FARS2: variants seen among roughly 807,000 people sequenced by gnomAD.
FARS2 encodes the protein phenylalanine--tRNA ligase, mitochondrial.
A neutral mutation model predicts 46.4 loss-of-function variants in FARS2; 40 were observed. That is an observed-to-expected ratio of 0.86 (90% CI 0.67 to 1.12). The LOEUF is 1.12. Ranked by LOEUF, FARS2 falls within the 50% of genes most tolerant of loss-of-function variation. The pLI, the probability that FARS2 is intolerant of heterozygous loss-of-function variation, is 0.00. For synonymous variants in FARS2, 234 were observed against 214.9 expected (o/e 1.09, Z -0.78); for missense variants, 513 against 567.9 (o/e 0.90, Z 0.98).
chr6:5,740,512 T>C (rs78636694), intron 6 of FARS2, among the ~76,000 whole-genome samples: 1 of 151,866 alleles, frequency 6.6e-6, no homozygotes. Context: ...TTTTTTTTTT[T>C]CAAAAAAGCA....
chr6:5,393,117 C>T (rs1760675027), intron 2 of FARS2, among the ~76,000 whole-genome samples: 1 of 151,878 alleles, frequency 6.6e-6, no homozygotes, highest in African/African-American at 2.4e-5. Context: ...TAATATTTTT[C>T]ATATGTACCT....
At chr6:5,504,274 G>A (rs1055874958) in intron 4 of FARS2, among the ~76,000 whole-genome samples, 1 of 151,912 alleles carries the variant, frequency 6.6e-6, no homozygotes, top group African/African-American at 2.4e-5. Context: ...TTATAATATT[G>A]CATCATCCAC....
At chr6:5,267,560 C>T (rs182871077) in intron 1 of FARS2, among the ~76,000 whole-genome samples, 11 of 152,020 alleles carry the variant, frequency 7.2e-5, no homozygotes, top group South Asian at 4.2e-4. Flanking sequence ...ACCATCCTGG[C>T]TAACACAGTG....
At chr6:5,735,723 G>A (rs1249751297) in intron 6 of FARS2, among the ~76,000 whole-genome samples, 1 of 152,166 alleles carries the variant, frequency 6.6e-6, no homozygotes, top group Non-Finnish European at 1.5e-5. Flanking sequence ...TAATAACCGT[G>A]GTCAATAGCG....
At chr6:5,658,611 C>T (rs542429353) in intron 6 of FARS2, among the ~76,000 whole-genome samples, 2 of 152,242 alleles carry the variant, frequency 1.3e-5, no homozygotes, top group South Asian at 2.1e-4. Flanking sequence ...TTGTCATAGC[C>T]ATGATGGCAT....
In FARS2 at chr6:5,676,201, G is replaced by T. The variant is rs1357531471; in HGVS notation, c.1217+62881G>T. Among the ~76,000 whole-genome samples the T allele has an allele frequency of 2.6e-5, 4 of 152,296 alleles. No homozygotes were observed. The East Asian group carries it at 7.7e-4, about 29-fold the overall frequency. On this transcript the variant is annotated intron_variant, in intron 6 of 6. Coordinates refer to ENST00000274680, the MANE Select transcript of FARS2 (RefSeq NM_006567.5). ...AGGACACTCAAAGATGTCAGCTCCA[G>T]TCCTAAAGGAAACACACTTGAACCG...
chr6:5,264,241 T>C (rs868614275), intron 1 of FARS2, among the ~76,000 whole-genome samples: 17 of 152,104 alleles, frequency 1.1e-4, no homozygotes, highest in South Asian at 1.0e-3. Context: ...AGTGAGACCC[T>C]GTCTACCAAA....
chr6:5,560,342 T>C, intron 5 of FARS2, among the ~76,000 whole-genome samples: 1 of 152,174 alleles, frequency 6.6e-6, no homozygotes, highest in East Asian at 1.9e-4. Flanking sequence ...TTTCTGGCTT[T>C]ATTCTGTTAA....
At chr6:5,344,435 C>T (rs1457569943) in intron 1 of FARS2, among the ~76,000 whole-genome samples, 1 of 152,156 alleles carries the variant, frequency 6.6e-6, no homozygotes, top group Admixed American at 6.5e-5. Context: ...CCACCTTGGC[C>T]TCTTGAGTAT....
chr6:5,370,649 C>T (rs1758999293), intron 2 of FARS2, among the ~76,000 whole-genome samples: 1 of 152,142 alleles, frequency 6.6e-6, no homozygotes, highest in South Asian at 2.1e-4. Context: ...TGTAAGCCTG[C>T]ATGCCATGAA....
intron 6 of FARS2, among the ~76,000 whole-genome samples, chr6:5,761,571 T>C (rs976452091): frequency 2.6e-5 from 4 of 152,210 alleles, no homozygotes; most frequent in Non-Finnish European, 4.4e-5. Flanking sequence ...CTTGTAACAG[T>C]ACAGAGTTAA....
At chr6:5,594,401 G>C (rs1200295407) in intron 5 of FARS2, among the ~76,000 whole-genome samples, 1 of 152,192 alleles carries the variant, frequency 6.6e-6, no homozygotes, top group Non-Finnish European at 1.5e-5. Context: ...CAGGGATAAA[G>C]ACCACAGACT....
At chr6:5,256,551 T>C (rs1764688798), upstream of FARS2, among the ~76,000 whole-genome samples, 2 of 143,420 alleles carry the variant, frequency 1.4e-5, no homozygotes, top group South Asian at 4.5e-4. Flanking sequence ...CTTAAACTTA[T>C]TGGTCTCAGG....
intron 6 of FARS2, among the ~76,000 whole-genome samples, chr6:5,633,515 A>G (rs1049994278): frequency 2.0e-5 from 3 of 151,876 alleles, no homozygotes; most frequent in African/African-American, 7.3e-5. Context: ...TGATGCACCC[A>G]CTTCAGCATC....
chr6:5,264,700 C>T (rs1254757328), intron 1 of FARS2, among the ~76,000 whole-genome samples: 1 of 152,008 alleles, frequency 6.6e-6, no homozygotes, highest in East Asian at 1.9e-4. Context: ...AGCCACCGCG[C>T]CCGGCCCATA....
chr6:5,463,592 C>T (rs1043729687), intron 4 of FARS2, among the ~76,000 whole-genome samples: 3 of 152,038 alleles, frequency 2.0e-5, no homozygotes, highest in Non-Finnish European at 2.9e-5. Context: ...GAAAAATTTT[C>T]AACAATAATA....
At chr6:5,609,210 T>A (rs974061500) in intron 5 of FARS2, 4 of 1,189,458 alleles carry the variant, frequency 3.4e-6, no homozygotes, top group African/African-American at 3.0e-5. Context: ...CCTCTCCGGC[T>A]AAGCTTTGTT....
chr6:5,694,859 T>C (rs1385007673), intron 6 of FARS2: 1 of 90,774 alleles, frequency 1.1e-5, no homozygotes, highest in Non-Finnish European at 2.5e-5. Flanking sequence ...AAAAAAAAAT[T>C]AGCCAAACTT....
At chr6:5,683,744 A>G (rs186867436) in intron 6 of FARS2, among the ~76,000 whole-genome samples, 1 of 151,934 alleles carries the variant, frequency 6.6e-6, no homozygotes, top group East Asian at 1.9e-4. Flanking sequence ...GGCATTAGAT[A>G]TTTGTCCTAA....
Sources: allele counts gnomAD v4.1 joint callset (sites outside exome capture counted in the v4.1 genomes callset), GRCh38; gene constraint gnomAD v4.1.1; transcripts MANE v1.5; gene names NCBI Gene and HGNC (gene_info 2026-07-23, HGNC 2026-07-21).